Variants in OPCML observed in about 807,000 individuals in gnomAD.
OPCML encodes the protein opioid binding protein/cell adhesion molecule like.
Under a neutral mutation model 37.8 loss-of-function variants are expected in OPCML, and 13 were observed. That is an observed-to-expected ratio of 0.34 (90% CI 0.22 to 0.55). The LOEUF is 0.55. OPCML is among the 20% of genes least tolerant of loss of function. The pLI is 0.91. For synonymous variants in OPCML, 176 were observed against 168.8 expected, an observed-to-expected ratio of 1.04 and a Z score of -0.33; for missense variants, 341 against 435.6, an observed-to-expected ratio of 0.78 and a Z score of 1.93.
intron 1 of OPCML, among the ~76,000 whole-genome samples, chr11:133,083,554 A>AT (rs1406363937): frequency 6.6e-6 from 1 of 152,246 alleles, no homozygotes; most frequent in Non-Finnish European, 1.5e-5. Context: ...TGTTCCAGCC[A>AT]TTGAGTGGAT....
intron 4 of OPCML, among the ~76,000 whole-genome samples, chr11:132,460,763 A>T (rs1350546678): frequency 1.3e-5 from 2 of 152,244 alleles, no homozygotes; most frequent in Non-Finnish European, 2.9e-5. Context: ...ACCTTGAGTC[A>T]TTAAAATAAG....
chr11:133,261,232 A>G (rs1941485831), intron 1 of OPCML, among the ~76,000 whole-genome samples: 1 of 152,158 alleles, frequency 6.6e-6, no homozygotes, highest in African/African-American at 2.4e-5. Context: ...AAATATGGCC[A>G]CCTCTTGGAT....
intron 1 of OPCML, among the ~76,000 whole-genome samples, chr11:133,125,735 GTA>G (rs1416199052): frequency 5.6e-4 from 27 of 48,026 alleles, no homozygotes; most frequent in African/African-American, 1.7e-3. Flanking sequence ...AGTATATATA[GTA>G]TATATATAGT....
At chr11:132,554,452 A>G (rs2096389699) in intron 3 of OPCML, among the ~76,000 whole-genome samples, 1 of 152,240 alleles carries the variant, frequency 6.6e-6, no homozygotes, top group African/African-American at 2.4e-5. Context: ...TTTTTGCCAA[A>G]GCATTCAGAA....
chr11:133,522,552 T>C (rs1054905922), intron 1 of OPCML, among the ~76,000 whole-genome samples: 3 of 152,180 alleles, frequency 2.0e-5, no homozygotes, highest in Non-Finnish European at 2.9e-5. Flanking sequence ...TTCCACAATG[T>C]TCTTTGTACA....
chr11:133,337,045 C>A (rs10894669), intron 1 of OPCML, among the ~76,000 whole-genome samples: 32,845 of 152,182 alleles, frequency 0.22, 4,538 homozygotes, highest in Non-Finnish European at 0.32. Context: ...ACAGGCACAG[C>A]ATCTTATCTT....
chr11:132,773,401 T>C (rs1946708752), intron 2 of OPCML: 1 of 152,064 alleles, frequency 6.6e-6, no homozygotes, highest in Non-Finnish European at 1.5e-5. Context: ...GTGTGTCTGA[T>C]TGCTTCACTC....
At chr11:133,309,324 C>G (rs58538571) in intron 1 of OPCML, among the ~76,000 whole-genome samples, 7,391 of 152,274 alleles carry the variant, frequency 0.049, 205 homozygotes, top group Middle Eastern at 0.071. Flanking sequence ...AGATCTCTTT[C>G]GTGTCCTTCC....
At chr11:133,381,907 C>G (rs1193443788) in intron 1 of OPCML, among the ~76,000 whole-genome samples, 2 of 152,186 alleles carry the variant, frequency 1.3e-5, no homozygotes, top group Admixed American at 1.3e-4. Flanking sequence ...CTCCCTCAAC[C>G]CTCAGCTGCT....
intron 2 of OPCML, among the ~76,000 whole-genome samples, chr11:132,662,627 G>A (rs923120417): frequency 6.6e-6 from 1 of 152,224 alleles, no homozygotes; most frequent in Admixed American, 6.5e-5. Context: ...AAGAAGGTAA[G>A]GAATGGAGAG....
Position 133,384,247 on chromosome 11 carries a change from C to CAAAAAAA in OPCML, c.61+148010_61+148016dup, listed in dbSNP as rs1186998875. ...GCTGCCAAAGCCAAAGGCCACTGTG[C>CAAAAAAA]AAAAAAAAAAAAAAAAAAGAAAAGA... On this transcript the variant is annotated intron_variant, in intron 1 of 7. Coordinates refer to ENST00000524381, the MANE Select transcript of OPCML (RefSeq NM_001012393.5). Among the ~76,000 whole-genome samples the CAAAAAAA allele has an allele frequency of 7.0e-4, 50 of 70,992 alleles. 1 individual carries two copies. The highest frequency in any genetic ancestry group is 1.1e-3 in the African/African-American group (23 of 21,682). 46.6% of individuals were successfully genotyped at this position (70,992 alleles called of 152,430 possible). A position where few individuals can be genotyped will look rare whatever the true frequency, so the allele number is the denominator to read the frequency against.
chr11:133,292,953 G>A (rs1434535067), intron 1 of OPCML, among the ~76,000 whole-genome samples: 1 of 152,102 alleles, frequency 6.6e-6, no homozygotes, highest in Non-Finnish European at 1.5e-5. Context: ...GAGGGCAGAA[G>A]GCAAAAGAGA....
At chr11:132,687,573 C>A (rs375960813) in intron 2 of OPCML, among the ~76,000 whole-genome samples, 3 of 151,344 alleles carry the variant, frequency 2.0e-5, no homozygotes, top group South Asian at 4.2e-4. Flanking sequence ...CTATTATATT[C>A]TTTTCTTTTT....
At chr11:132,947,778 T>C in intron 1 of OPCML, among the ~76,000 whole-genome samples, 1 of 152,230 alleles carries the variant, frequency 6.6e-6, no homozygotes, top group East Asian at 1.9e-4. Flanking sequence ...TGGAAACATA[T>C]ATAAAGACAA....
chr11:133,270,689 C>G (rs929243599), intron 1 of OPCML, among the ~76,000 whole-genome samples: 2 of 152,182 alleles, frequency 1.3e-5, no homozygotes, highest in African/African-American at 4.8e-5. Context: ...ACTGAAAGGA[C>G]TCAAAGAACC....
At chr11:133,055,273 T>C in intron 1 of OPCML, among the ~76,000 whole-genome samples, 2 of 148,376 alleles carry the variant, frequency 1.3e-5, no homozygotes, top group African/African-American at 5.0e-5. Context: ...TGAGACCCCA[T>C]GAGGGAGCCA....
chr11:132,972,310 TC>T (rs1419850153), intron 1 of OPCML, among the ~76,000 whole-genome samples: 9 of 152,216 alleles, frequency 5.9e-5, no homozygotes, highest in Non-Finnish European at 1.0e-4. Context: ...CCATTTAATG[TC>T]CCACACTAAA....
At chr11:132,918,199 C>T (rs1944669602) in intron 2 of OPCML, among the ~76,000 whole-genome samples, 1 of 151,936 alleles carries the variant, frequency 6.6e-6, no homozygotes, top group African/African-American at 2.4e-5. Context: ...TTTTGTATCC[C>T]TTTTTTCTAG....
intron 3 of OPCML, among the ~76,000 whole-genome samples, chr11:132,614,495 C>T (rs769901622): frequency 1.3e-5 from 2 of 152,154 alleles, no homozygotes; most frequent in Non-Finnish European, 2.9e-5. Context: ...TCTGCACTGA[C>T]GTGTCTTCAT....
Sources: allele counts gnomAD v4.1 joint callset (sites outside exome capture counted in the v4.1 genomes callset), GRCh38; gene constraint gnomAD v4.1.1; transcripts MANE v1.5; gene names NCBI Gene and HGNC (gene_info 2026-07-23, HGNC 2026-07-21).